Variants in SLC10A7 observed in about 807,000 individuals in gnomAD.
SLC10A7 encodes sodium/bile acid cotransporter 7.
Under a neutral mutation model 43.2 loss-of-function variants are expected in SLC10A7, and 29 were observed. The ratio of observed to expected loss-of-function variants is 0.67; its 90% CI spans 0.50 to 0.92. SLC10A7 has a LOEUF of 0.92. Ranked by LOEUF, SLC10A7 falls within the 40% of genes least tolerant of loss-of-function variation. SLC10A7 has a pLI of 0.00. For synonymous variants in SLC10A7, 152 were observed against 144.8 expected (o/e 1.05, Z -0.35); for missense variants, 295 against 403.2 (o/e 0.73, Z 2.30).
chr4:146,365,986 T>C lies in SLC10A7; in HGVS notation c.436-39990A>G, dbSNP rs147028316. Among the ~76,000 whole-genome samples, 17 of 152,324 alleles carry C rather than the reference T, an allele frequency of 1.1e-4. No individual in the cohort carries two copies. The East Asian group carries it at 2.1e-3, about 19-fold the overall frequency. ...ATTCTCATAGGAGCACAAACCCTCT[T>C]GTGAACTGCACATGTGAGAGATCTA... On this transcript the variant is annotated intron_variant, in intron 5 of 11. Coordinates refer to ENST00000335472, the MANE Select transcript of SLC10A7 (RefSeq NM_001029998.6).
chr4:146,337,035 CAA>C (rs1733937258), intron 5 of SLC10A7, among the ~76,000 whole-genome samples: 1 of 151,720 alleles, frequency 6.6e-6, no homozygotes, highest in Non-Finnish European at 1.5e-5. Flanking sequence ...TTAAGAGTGA[CAA>C]AAACAATTTG....
intron 5 of SLC10A7, among the ~76,000 whole-genome samples, chr4:146,407,340 C>T (rs1727792432): frequency 6.6e-6 from 1 of 152,144 alleles, no homozygotes; most frequent in South Asian, 2.1e-4. Context: ...CGGACACATG[C>T]AATATTTCTC....
At chr4:146,307,683 TA>T in intron 6 of SLC10A7, among the ~76,000 whole-genome samples, 2 of 152,300 alleles carry the variant, frequency 1.3e-5, no homozygotes, top group South Asian at 4.1e-4. Context: ...CTCAATGCTC[TA>T]TTCATAAGGT....
At chr4:146,425,977 T>C (rs996904668) in intron 5 of SLC10A7, among the ~76,000 whole-genome samples, 1 of 152,236 alleles carries the variant, frequency 6.6e-6, no homozygotes, top group Non-Finnish European at 1.5e-5. Flanking sequence ...AATTTAACCA[T>C]GAAGAGAGAA....
chr4:146,447,896 A>G lies in SLC10A7; in HGVS notation c.397-5075T>C, dbSNP rs1731245949. Among the ~76,000 whole-genome samples, 4 of 152,064 alleles carry G rather than the reference A, an allele frequency of 2.6e-5. 1 individual carries two copies. In the South Asian group the frequency reaches 6.2e-4, roughly 24 times the overall value. Reference sequence around the variant, plus strand: ...ATTAATTTCATCATAAACTACTTGGAATTATTTAAAACAAAGGTAAATTTC... The same window carrying G: ...ATTAATTTCATCATAAACTACTTGGGATTATTTAAAACAAAGGTAAATTTC... On this transcript the variant is annotated intron_variant, in intron 4 of 11. Coordinates refer to ENST00000335472, the MANE Select transcript of SLC10A7 (RefSeq NM_001029998.6).
chr4:146,256,402 G>A lies in SLC10A7; in HGVS notation c.*89C>T. 1 of 1,256,830 alleles carries A rather than the reference G, an allele frequency of 8.0e-7. No homozygotes were observed. Among genetic ancestry groups the A allele is most frequent in the South Asian group, 1.3e-5 (1 of 78,558 alleles). The allele number at this position is 1,256,830 out of a possible 1,614,324, so 77.9% of individuals were successfully genotyped here. A position where few individuals can be genotyped will look rare whatever the true frequency, so the allele number is the denominator to read the frequency against. ...TGTAAAAAAATAAAATATGCATTGAGGCAACATTCACAAGTACAAGTCTTC... is the reference window on the plus strand; with the variant it reads ...TGTAAAAAAATAAAATATGCATTGAAGCAACATTCACAAGTACAAGTCTTC... On this transcript the variant is annotated 3_prime_UTR_variant, in exon 12 of 12. Transcript: ENST00000335472.
At chr4:146,313,413 T>C (rs577402307) in intron 6 of SLC10A7, among the ~76,000 whole-genome samples, 57 of 152,262 alleles carry the variant, frequency 3.7e-4, no homozygotes, top group Admixed American at 2.3e-3. Flanking sequence ...GGTGCTTCCC[T>C]TCCCTTAGTC....
At chr4:146,305,663 A>G (rs1560782074) in intron 7 of SLC10A7, among the ~76,000 whole-genome samples, 1 of 152,106 alleles carries the variant, frequency 6.6e-6, no homozygotes, top group African/African-American at 2.4e-5. Flanking sequence ...AATAAATTAA[A>G]CAAAAATCAA....
chr4:146,432,552 T>C (rs1729855825), intron 5 of SLC10A7, among the ~76,000 whole-genome samples: 1 of 151,916 alleles, frequency 6.6e-6, no homozygotes, highest in South Asian at 2.1e-4. Flanking sequence ...GGCAAAAGTA[T>C]AGAGAAAGGA....
intron 5 of SLC10A7, chr4:146,442,393 TA>T: frequency 1.0e-6 from 1 of 1,004,806 alleles, no homozygotes; most frequent in Non-Finnish European, 1.2e-6. Flanking sequence ...TGTCAACAAG[TA>T]AATTAGCATT....
intron 4 of SLC10A7, among the ~76,000 whole-genome samples, chr4:146,498,470 A>C (rs1490457943): frequency 1.3e-5 from 2 of 152,122 alleles, no homozygotes; most frequent in East Asian, 3.8e-4. Context: ...GCACACACAC[A>C]TACACACAGC....
chr4:146,288,150 G>C (rs770939380), intron 9 of SLC10A7, among the ~76,000 whole-genome samples: 2 of 152,170 alleles, frequency 1.3e-5, no homozygotes, highest in Non-Finnish European at 2.9e-5. Context: ...AGGAGGATTA[G>C]AACCTTAAGG....
intron 5 of SLC10A7, among the ~76,000 whole-genome samples, chr4:146,330,618 T>G (rs1366151734): frequency 6.6e-6 from 1 of 152,126 alleles, no homozygotes; most frequent in African/African-American, 2.4e-5. Flanking sequence ...GCACCATAAT[T>G]AAGTTTTGGG....
chr4:146,272,781 A>G (rs1198224004), intron 10 of SLC10A7, among the ~76,000 whole-genome samples: 1 of 152,164 alleles, frequency 6.6e-6, no homozygotes, highest in Non-Finnish European at 1.5e-5. Context: ...TGTGATGCAC[A>G]TTTTAGTACT....
chr4:146,481,691 C>T (rs536309585), intron 4 of SLC10A7, among the ~76,000 whole-genome samples: 60 of 152,284 alleles, frequency 3.9e-4, no homozygotes, highest in African/African-American at 1.3e-3. Context: ...GAGCAACGGA[C>T]CCCAGCCTAG....
Position 146,254,441 on chromosome 4 carries a change from T to C in SLC10A7, c.*2050A>G, listed in dbSNP as rs1727796242. 6.6e-6 allele frequency: 1 copy of C among 152,198 alleles called. No homozygotes were observed. Among genetic ancestry groups the C allele is most frequent in the African/African-American group, 2.4e-5 (1 of 41,454 alleles). 9.4% of individuals were successfully genotyped at this position (152,198 alleles called of 1,614,324 possible). On this transcript the variant is annotated 3_prime_UTR_variant, in exon 12 of 12. Transcript: ENST00000335472. ...TAAATTTTGATTTTATTTTTTGTTC[T>C]TTATGAAAAAATATGCCAAGGAATT...
At chr4:146,358,074 A>AC (rs1345132828) in intron 5 of SLC10A7, among the ~76,000 whole-genome samples, 2 of 99,002 alleles carry the variant, frequency 2.0e-5, no homozygotes, top group African/African-American at 5.1e-5. Flanking sequence ...GCACCCCCAC[A>AC]AAAAAAAAAA....
chr4:146,300,447 T>A (rs546658919), intron 7 of SLC10A7, among the ~76,000 whole-genome samples: 1 of 152,350 alleles, frequency 6.6e-6, no homozygotes, highest in Non-Finnish European at 1.5e-5. Context: ...CCACACACTC[T>A]ATACCACTGC....
intron 10 of SLC10A7, among the ~76,000 whole-genome samples, chr4:146,268,981 T>C (rs1166076295): frequency 6.6e-6 from 1 of 152,182 alleles, no homozygotes; most frequent in Non-Finnish European, 1.5e-5. Flanking sequence ...TCAATAAAGG[T>C]GCTTATTACT....
Sources: allele counts gnomAD v4.1 joint callset (sites outside exome capture counted in the v4.1 genomes callset), GRCh38; gene constraint gnomAD v4.1.1; transcripts MANE v1.5; gene names NCBI Gene and HGNC (gene_info 2026-07-23, HGNC 2026-07-21).